The following TERT variants were observed in gnomAD, a reference collection of about 807,000 sequenced individuals.
The protein encoded by TERT is telomerase reverse transcriptase.
Under a neutral mutation model 104.0 loss-of-function variants are expected in TERT, and 42 were observed. That is an observed-to-expected ratio of 0.40 (90% CI 0.32 to 0.52). The LOEUF (loss-of-function observed/expected upper bound fraction) is 0.52, where lower values mean the gene tolerates loss of function less well. Among genes scored for constraint, TERT ranks in the 20% least tolerant of loss-of-function variants. TERT has a pLI of 0.43. For synonymous variants in TERT, 781 were observed against 725.6 expected, an observed-to-expected ratio of 1.08 and a Z score of -1.23; for missense variants, 1,101 against 1,610.3, an observed-to-expected ratio of 0.68 and a Z score of 5.41.
chr5:1,260,741 G>GCA, intron 11 of TERT, 141 bp from the exon 12 acceptor site: 2 of 1,203,032 alleles, frequency 1.7e-6, no homozygotes, highest in African/African-American at 1.5e-5. Flanking sequence ...CGAGGGGGCT[G>GCA]GGTGCTCACT....
intron 12 of TERT, 48 bp downstream of exon 12, chr5:1,260,426 A>G: frequency 6.2e-7 from 1 of 1,612,392 alleles, no homozygotes; most frequent in Non-Finnish European, 8.5e-7. Context: ...ATACTTGCGC[A>G]CACACCTCCT....
At position 1,294,136 on chromosome 5, in the gene TERT, G is replaced by A. The variant is rs761741087; in HGVS notation, c.750C>T (p.Pro250=). 16 of 1,581,966 alleles carry A rather than the reference G, an allele frequency of 1.0e-5. No homozygotes were observed. Among genetic ancestry groups the A allele is most frequent in the Middle Eastern group, 1.7e-4 (1 of 6,034 alleles). The change falls in exon 2 of 16, where the codon CCC becomes CCT. Residue 250 remains proline, a synonymous_variant. Transcript: ENST00000310581. ...GGTGGGCCCAGGACCCCTGCCCAAC[G>A]GGCGTCCGCTCCGGCTCAGGGGCAG... ...RGAAPEPERT[P]VGQGSWAHPG...
At chr5:1,289,327 C>A (rs1561210151) in intron 2 of TERT, among the ~76,000 whole-genome samples, 2 of 146,470 alleles carry the variant, frequency 1.4e-5, no homozygotes, top group Non-Finnish European at 3.0e-5. Flanking sequence ...GACAGAGACA[C>A]CCGGGGACAG....
chr5:1,253,661 GGAC>G lies in TERT; in HGVS notation c.*64_*66del, dbSNP rs1191583166. ...GGTGTGGGCCGCCCCTCCCTCCCTG[GGAC>G]GTAGAGCCCGGCGTGACAGGGCTGC... On this transcript the variant is annotated 3_prime_UTR_variant, in exon 16 of 16. Transcript: ENST00000310581. 8 of 1,404,640 alleles carry G rather than the reference GGAC, an allele frequency of 5.7e-6. No individual in the cohort carries two copies. Among genetic ancestry groups the G allele is most frequent in the Non-Finnish European group, 7.9e-6 (8 of 1,009,638 alleles). The allele number at this position is 1,404,640 out of a possible 1,614,324, so 87.0% of individuals were successfully genotyped here. A position where few individuals can be genotyped will look rare whatever the true frequency, so the allele number is the denominator to read the frequency against.
rs778051907 is a variant in TERT, at chr5:1,271,138, C to T, written c.2449G>A (p.Ala817Thr). 1.4e-5 allele frequency: 22 copies of T among 1,612,928 alleles called. No homozygotes were observed. The highest frequency in any genetic ancestry group is 4.4e-5 in the South Asian group (4 of 91,086). The change falls in exon 8 of 16, where the codon GCC becomes ACC. Residue 817 changes from alanine to threonine, a missense_variant. Around this residue, in one of 5 missense-constraint regions of TERT, gnomAD observed 463 missense variants for 797.5 expected, o/e 0.58. Transcript: ENST00000310581. ...DVFLRFMCHH[A>T]VRIRGKSYVQ... ...ACTCACTTGCCCCTGATGCGCACGGCGTGGTGGCACATGAAGCGTAGGAAG... is the reference window on the plus strand; with the variant it reads ...ACTCACTTGCCCCTGATGCGCACGGTGTGGTGGCACATGAAGCGTAGGAAG...
intron 2 of TERT, among the ~76,000 whole-genome samples, chr5:1,291,849 C>A (rs1751011832): frequency 6.6e-6 from 1 of 152,202 alleles, no homozygotes; most frequent in Non-Finnish European, 1.5e-5. Context: ...CAGGCAGAGT[C>A]CTGATCAGAG....
At position 1,254,464 on chromosome 5, in the gene TERT, A is replaced by C. The variant is rs1747570810; in HGVS notation, c.3199T>G (p.Ser1067Ala). Reference sequence around the variant, plus strand: ...TGGCACAGCCACTGCACGGCCTCGGAGGGCAGAGGGCCGGCGGCGCCCTTG... The same window carrying C: ...TGGCACAGCCACTGCACGGCCTCGGCGGGCAGAGGGCCGGCGGCGCCCTTG... Reference protein sequence around the residue: ...GAKGAAGPLPSEAVQWLCHQA... With the variant: ...GAKGAAGPLPAEAVQWLCHQA... The change falls in exon 15 of 16, where the codon TCC becomes GCC. Residue 1067 changes from serine to alanine, a missense_variant. By Grantham distance (99) the Ser-to-Ala change is moderately conservative. Around this residue, in one of 5 missense-constraint regions of TERT, gnomAD observed 463 missense variants for 797.5 expected, o/e 0.58. Transcript: ENST00000310581. 1.2e-6 allele frequency: 2 copies of C among 1,612,914 alleles called. No individual in the cohort carries two copies. Among genetic ancestry groups the C allele is most frequent in the Non-Finnish European group, 8.5e-7 (1 of 1,179,920 alleles).
At chr5:1,266,818 T>C (rs1432907518) in intron 9 of TERT, among the ~76,000 whole-genome samples, 1 of 152,186 alleles carries the variant, frequency 6.6e-6, no homozygotes, top group Non-Finnish European at 1.5e-5. Flanking sequence ...GCCCCACTTC[T>C]CAGACTCTTA....
intron 11 of TERT, chr5:1,264,109 T>G: frequency 2.2e-6 from 1 of 460,202 alleles, no homozygotes; most frequent in Non-Finnish European, 4.0e-6. Flanking sequence ...GGCCCGGGCG[T>G]CTTGGGTTCG....
At position 1,262,746 on chromosome 5, in the gene TERT, T is replaced by C. The variant is rs373329380; in HGVS notation, c.2843+1658A>G. ...CCCATTTTCCTGATTTGTTTGTCTG[T>C]CCTTTGTCCTTCAATAACATTCACT... is the stretch of plus-strand genomic sequence containing the variant. On this transcript the variant is annotated intron_variant, in intron 11 of 15. Transcript: ENST00000310581. This position sits in a 1 kb window ranked among gnomAD's most constrained non-coding sequence, Gnocchi z 5.6. Among the ~76,000 whole-genome samples the C allele has an allele frequency of 8.3e-4, 127 of 152,374 alleles. No individual in the cohort carries two copies. In the Middle Eastern group the frequency reaches 0.017, roughly 20 times the overall value.
In TERT at chr5:1,287,159, A is replaced by C. The variant is rs1325700893; in HGVS notation, c.1574-4535T>G. ...GACTGTCAGACTGGATTGGAAATTC[A>C]CCTACATGCTGTTAACAGGACATAC... On this transcript the variant is annotated intron_variant, in intron 2 of 15. Transcript: ENST00000310581. This position sits in a 1 kb window ranked among gnomAD's most constrained non-coding sequence, Gnocchi z 4.3. Among the ~76,000 whole-genome samples, 1 of 152,118 alleles carries C rather than the reference A, an allele frequency of 6.6e-6. No homozygotes were observed. Among genetic ancestry groups the C allele is most frequent in the Admixed American group, 6.5e-5 (1 of 15,268 alleles).
rs2126683702 is a variant in TERT, at chr5:1,293,335, G to A, written c.1551C>T (p.Cys517=). The change falls in exon 2 of 16, where the codon TGC becomes TGT. Residue 517 remains cysteine (C), a synonymous_variant. Coordinates refer to ENST00000310581, the MANE Select transcript of TERT (RefSeq NM_198253.3). ...CACCTGGGCTCCTGCGCAGCCAAGCGCAGTCCCGCACGCTCATCTTCCACG... is the reference window on the plus strand; with the variant it reads ...CACCTGGGCTCCTGCGCAGCCAAGCACAGTCCCGCACGCTCATCTTCCACG... ...ELTWKMSVRD[C]AWLRRSPGVG... 1 of 1,613,160 alleles carries A rather than the reference G, an allele frequency of 6.2e-7. No homozygotes were observed. The highest frequency in any genetic ancestry group is 8.5e-7 in the Non-Finnish European group (1 of 1,180,000).
chr5:1,258,777 A>T, intron 12 of TERT, 118 bp from the exon 13 acceptor site: 1 of 917,088 alleles, frequency 1.1e-6, no homozygotes, highest in Non-Finnish European at 1.7e-6. Context: ...TTGACAAGAA[A>T]CTATCCCTCT....
Position 1,253,676 on chromosome 5 carries a change from C to A in TERT, c.*52G>T. ...TCCCTCCCTGGGACGTAGAGCCCGGCGTGACAGGGCTGCTGGTGTCTGCTC... is the reference window on the plus strand; with the variant it reads ...TCCCTCCCTGGGACGTAGAGCCCGGAGTGACAGGGCTGCTGGTGTCTGCTC... On this transcript the variant is annotated 3_prime_UTR_variant, in exon 16 of 16. Transcript: ENST00000310581. 5.4e-6 allele frequency: 8 copies of A among 1,491,534 alleles called. No homozygotes were observed. The highest frequency in any genetic ancestry group is 1.8e-5 in the Admixed American group (1 of 54,430). The allele number at this position is 1,491,534 out of a possible 1,614,324, so 92.4% of individuals were successfully genotyped here. A position where few individuals can be genotyped will look rare whatever the true frequency, so the allele number is the denominator to read the frequency against.
Position 1,287,160 on chromosome 5 carries a change from C to A in TERT, c.1574-4536G>T, listed in dbSNP as rs1313056162. Among the ~76,000 whole-genome samples the A allele has an allele frequency of 1.3e-5, 2 of 152,074 alleles. No individual in the cohort carries two copies. The highest frequency in any genetic ancestry group is 2.9e-5 in the Non-Finnish European group (2 of 68,026). On this transcript the variant is annotated intron_variant, in intron 2 of 15. Coordinates refer to ENST00000310581, the MANE Select transcript of TERT (RefSeq NM_198253.3). This position sits in a 1 kb window ranked among gnomAD's most constrained non-coding sequence, Gnocchi z 4.3. ...ACTGTCAGACTGGATTGGAAATTCA[C>A]CTACATGCTGTTAACAGGACATACC... is the stretch of plus-strand genomic sequence containing the variant.
chr5:1,255,470 G>A lies in TERT; in HGVS notation c.3033-59C>T, dbSNP rs1467557821. The A allele has an allele frequency of 1.7e-5, 27 of 1,611,366 alleles. No individual in the cohort carries two copies. The highest frequency in any genetic ancestry group is 2.0e-5 in the Non-Finnish European group (24 of 1,178,936). On this transcript the variant is annotated intron_variant, in intron 13 of 15. Coordinates refer to ENST00000310581, the MANE Select transcript of TERT (RefSeq NM_198253.3). This position sits in a 1 kb window ranked among gnomAD's most constrained non-coding sequence, Gnocchi z 6.9. ...CCTCCTAATCAGACGGTGCTCGTGG[G>A]TGTGGGCATGGGCCCACCGGTGCCT...
chr5:1,283,455 C>T (rs560513268), intron 2 of TERT, among the ~76,000 whole-genome samples: 3 of 139,738 alleles, frequency 2.1e-5, no homozygotes, highest in Non-Finnish European at 3.1e-5. Flanking sequence ...TCCAGCTAAC[C>T]GCAGGGCCTG....
Position 1,255,187 on chromosome 5 carries a change from AG to A in TERT, c.3157+99del. Reference sequence around the variant, plus strand: ...GGTTAAACCACTTCCTGATGCGAAAAGGGGTAAGAACTTCCTAAGCCCAGAT... The same window carrying A: ...GGTTAAACCACTTCCTGATGCGAAAAGGGTAAGAACTTCCTAAGCCCAGAT... On this transcript the variant is annotated intron_variant, in intron 14 of 15. Coordinates refer to ENST00000310581, the MANE Select transcript of TERT (RefSeq NM_198253.3). This position sits in a 1 kb window ranked among gnomAD's most constrained non-coding sequence, Gnocchi z 6.9. The A allele has an allele frequency of 6.7e-7, 1 of 1,482,376 alleles. No homozygotes were observed. Among genetic ancestry groups the A allele is most frequent in the Non-Finnish European group, 9.2e-7 (1 of 1,084,378 alleles). The allele number at this position is 1,482,376 out of a possible 1,614,324, so 91.8% of individuals were successfully genotyped here. A position where few individuals can be genotyped will look rare whatever the true frequency, so the allele number is the denominator to read the frequency against.
chr5:1,281,251 G>A (rs1750003361), intron 3 of TERT, among the ~76,000 whole-genome samples: 2 of 152,252 alleles, frequency 1.3e-5, no homozygotes. Context: ...GTTCCCACAG[G>A]GAAAGCCCTG....
Sources: allele counts gnomAD v4.1 joint callset (sites outside exome capture counted in the v4.1 genomes callset), GRCh38; gene constraint gnomAD v4.1.1; regional missense constraint gnomAD v4.1.1; non-coding constraint Gnocchi (gnomAD v3.1); transcripts MANE v1.5; gene names NCBI Gene and HGNC (gene_info 2026-07-23, HGNC 2026-07-21).